Variants in SOX5 observed in about 807,000 individuals in gnomAD.
The protein encoded by SOX5 is SRY-box transcription factor 5.
A neutral mutation model predicts 92.0 loss-of-function variants in SOX5; 9 were observed. That is an observed-to-expected ratio of 0.10 (90% CI 0.06 to 0.17). The LOEUF is 0.17. Among genes scored for constraint, SOX5 ranks in the 10% least tolerant of loss-of-function variants. The pLI is 1.00. For synonymous variants in SOX5, 344 were observed against 336.3 expected (o/e 1.02, Z -0.25); for missense variants, 642 against 944.5 (o/e 0.68, Z 4.20).
intron 4 of SOX5, among the ~76,000 whole-genome samples, chr12:24,034,902 CTCAA>C (rs1301115199): frequency 6.6e-6 from 1 of 152,094 alleles, no homozygotes; most frequent in Non-Finnish European, 1.5e-5. Context: ...CTTCCCCCTT[CTCAA>C]TCAAGCTACT....
intron 4 of SOX5, among the ~76,000 whole-genome samples, chr12:24,022,659 G>A (rs1358768207): frequency 6.6e-6 from 1 of 152,036 alleles, no homozygotes; most frequent in Non-Finnish European, 1.5e-5. Flanking sequence ...GATTGGCAGG[G>A]CTGATTCAGT....
chr12:23,931,066 CT>C (rs1238245228), intron 1 of SOX5, among the ~76,000 whole-genome samples: 1 of 151,730 alleles, frequency 6.6e-6, no homozygotes, highest in African/African-American at 2.4e-5. Flanking sequence ...ATTTTTAAAT[CT>C]CTAGAAACTA....
intron 4 of SOX5, among the ~76,000 whole-genome samples, chr12:24,186,473 T>C (rs1956026071): frequency 6.6e-6 from 1 of 152,100 alleles, no homozygotes. Flanking sequence ...TGAAGCAATA[T>C]TGAAATAAAT....
chr12:23,935,688 T>C (rs1252674677), intron 1 of SOX5, among the ~76,000 whole-genome samples: 2 of 151,176 alleles, frequency 1.3e-5, no homozygotes, highest in African/African-American at 4.8e-5. Context: ...ATGAGTTAAT[T>C]CATTCAGAAG....
At chr12:24,072,708 C>T (rs1941962496) in intron 4 of SOX5, among the ~76,000 whole-genome samples, 1 of 152,188 alleles carries the variant, frequency 6.6e-6, no homozygotes. Context: ...AAACCTACTC[C>T]TCACCTCAAA....
intron 1 of SOX5, among the ~76,000 whole-genome samples, chr12:24,388,806 T>C (rs1308701296): frequency 6.6e-6 from 1 of 152,068 alleles, no homozygotes; most frequent in African/African-American, 2.4e-5. Flanking sequence ...ATGAATGTAC[T>C]TTCTGTCTCT....
chr12:24,170,156 A>G (rs1214814110), intron 4 of SOX5, among the ~76,000 whole-genome samples: 1 of 150,890 alleles, frequency 6.6e-6, no homozygotes, highest in African/African-American at 2.4e-5. Flanking sequence ...AAAATGAAAT[A>G]AAAGAGTGGT....
At chr12:23,956,044 T>G (rs920534023) in intron 4 of SOX5, among the ~76,000 whole-genome samples, 6 of 152,218 alleles carry the variant, frequency 3.9e-5, no homozygotes, top group Non-Finnish European at 8.8e-5. Flanking sequence ...ACATTTCATT[T>G]ATTAACTAAT....
intron 4 of SOX5, among the ~76,000 whole-genome samples, chr12:23,972,985 C>T (rs77717250): frequency 3.9e-5 from 6 of 152,190 alleles, no homozygotes; most frequent in Non-Finnish European, 7.4e-5. Flanking sequence ...CTCCCTCCCC[C>T]CAAGCCTCAA....
chr12:24,467,408 C>T lies in SOX5; in HGVS notation c.-251+94921G>A, dbSNP rs544335662. On this transcript the variant is annotated intron_variant, in intron 1 of 4. Coordinates refer to the SOX5 transcript ENST00000446891. Reference sequence around the variant, plus strand: ...ACAGCGTGCAATGGGAAATGACTTCCTGGAAAATATGTTGCTTAAGGTGAA... The same window carrying T: ...ACAGCGTGCAATGGGAAATGACTTCTTGGAAAATATGTTGCTTAAGGTGAA... 5.3e-5 allele frequency among the ~76,000 whole-genome samples: 8 copies of T among 152,232 alleles called. No homozygotes were observed. In the South Asian group the frequency reaches 1.7e-3, roughly 32 times the overall value.
chr12:23,996,792 G>T (rs183084803), intron 4 of SOX5, among the ~76,000 whole-genome samples: 1 of 152,190 alleles, frequency 6.6e-6, no homozygotes, highest in Non-Finnish European at 1.5e-5. Context: ...AGGGCAAAAA[G>T]CAGGTTTGTG....
At chr12:24,363,354 C>T (rs1955811215) in intron 2 of SOX5, among the ~76,000 whole-genome samples, 1 of 152,140 alleles carries the variant, frequency 6.6e-6, no homozygotes, top group Admixed American at 6.5e-5. Context: ...CAGCCAGAAG[C>T]CATGCTGGAG....
chr12:24,448,884 T>C (rs11047449), intron 1 of SOX5, among the ~76,000 whole-genome samples: 92,375 of 151,830 alleles, frequency 0.61, 28,614 homozygotes, highest in East Asian at 0.98. Context: ...TCCATCTTAA[T>C]GTGTCCAAAA....
At chr12:24,555,136 G>T (rs1953643677) in intron 1 of SOX5, among the ~76,000 whole-genome samples, 1 of 152,240 alleles carries the variant, frequency 6.6e-6, no homozygotes, top group Non-Finnish European at 1.5e-5. Context: ...TCAGTGCTTT[G>T]TGGTGCTGCA....
intron 3 of SOX5, among the ~76,000 whole-genome samples, chr12:23,813,098 G>T (rs199540633): frequency 6.6e-6 from 1 of 151,894 alleles, no homozygotes; most frequent in South Asian, 2.1e-4. Context: ...TTGCCTTATG[G>T]TTATTTTAAA....
intron 2 of SOX5, among the ~76,000 whole-genome samples, chr12:23,855,969 C>T (rs1285951138): frequency 2.0e-5 from 3 of 152,050 alleles, no homozygotes; most frequent in Non-Finnish European, 4.4e-5. Flanking sequence ...GCAAAAGAAG[C>T]TTTTTGTGAA....
At chr12:23,651,921 C>A (rs936512877) in intron 7 of SOX5, among the ~76,000 whole-genome samples, 1 of 151,546 alleles carries the variant, frequency 6.6e-6, no homozygotes, top group Non-Finnish European at 1.5e-5. Flanking sequence ...TATGGTCTAT[C>A]GATGACCTCA....
chr12:24,493,495 G>A (rs1194712187), intron 1 of SOX5, among the ~76,000 whole-genome samples: 2 of 152,134 alleles, frequency 1.3e-5, no homozygotes, highest in Non-Finnish European at 2.9e-5. Flanking sequence ...GTTAATAATA[G>A]AGAAAACTGG....
At chr12:24,042,859 C>T (rs1956651927) in intron 4 of SOX5, among the ~76,000 whole-genome samples, 1 of 152,148 alleles carries the variant, frequency 6.6e-6, no homozygotes, top group East Asian at 1.9e-4. Context: ...ACAGTGCTGG[C>T]ATTTGCAATT....
Sources: allele counts gnomAD v4.1 joint callset (sites outside exome capture counted in the v4.1 genomes callset), GRCh38; gene constraint gnomAD v4.1.1; transcripts MANE v1.5; gene names NCBI Gene and HGNC (gene_info 2026-07-23, HGNC 2026-07-21).